Variants in ANK2 observed in about 807,000 individuals in gnomAD.
The protein encoded by ANK2 is ankyrin 2, also known as ankyrin-2.
A neutral mutation model predicts 360.5 loss-of-function variants in ANK2; 83 were observed. The observed-to-expected ratio is 0.23, with a 90% CI of 0.19 to 0.28. ANK2 has a LOEUF of 0.28. Among genes scored for constraint, ANK2 ranks in the 10% least tolerant of loss-of-function variants. The pLI, the probability that ANK2 is intolerant of heterozygous loss-of-function variation, is 1.00. For synonymous variants in ANK2, 1,740 were observed against 1,759.5 expected (o/e 0.99, Z 0.28); for missense variants, 4,201 against 4,795.7 (o/e 0.88, Z 3.66).
At chr4:113,105,856 A>G (rs1282566141) in intron 1 of ANK2, among the ~76,000 whole-genome samples, 2 of 152,228 alleles carry the variant, frequency 1.3e-5, no homozygotes, top group Admixed American at 6.5e-5. Flanking sequence ...GTGAGACTGC[A>G]TAAACAAACT....
At position 113,354,323 on chromosome 4, in the gene ANK2, C is replaced by A. The variant is rs1407457245; in HGVS notation, c.5705C>A (p.Pro1902Gln). 6.2e-7 allele frequency: 1 copy of A among 1,614,148 alleles called. No homozygotes were observed. Among genetic ancestry groups the A allele is most frequent in the South Asian group, 1.1e-5 (1 of 91,082 alleles). ...PVSSTKTERH[P>Q]PVSPSGKTDK... ...TCATCTACAAAAACAGAAAGACACC[C>A]ACCTGTTTCGCCTTCAGGCAAAACA... The change falls in exon 38 of 46, where the codon CCA becomes CAA. Residue 1902 changes from proline to glutamine, a missense_variant. Coordinates refer to ENST00000357077, the MANE Select transcript of ANK2 (RefSeq NM_001148.6).
chr4:112,817,637 ATATATATG>A (rs573313003), upstream of ANK2, among the ~76,000 whole-genome samples: 240 of 151,562 alleles, frequency 1.6e-3, no homozygotes, highest in Non-Finnish European at 2.5e-3. Flanking sequence ...ACTTAAACAT[ATATATATG>A]TATATATGTA....
intron 5 of ANK2, among the ~76,000 whole-genome samples, chr4:113,234,812 A>G (rs913228516): frequency 1.3e-5 from 2 of 152,362 alleles, no homozygotes; most frequent in Non-Finnish European, 1.5e-5. Flanking sequence ...TAAATTTCCC[A>G]TAATTATGGC....
At chr4:112,957,580 A>C (rs1323386945) in intron 2 of ANK2, among the ~76,000 whole-genome samples, 351 of 151,812 alleles carry the variant, frequency 2.3e-3, no homozygotes, top group Non-Finnish European at 4.2e-3. Flanking sequence ...CTCACTTCCC[A>C]GTAGGGGCGG....
intron 1 of ANK2, among the ~76,000 whole-genome samples, chr4:113,063,189 T>A (rs183691790): frequency 6.6e-6 from 1 of 152,100 alleles, no homozygotes; most frequent in African/African-American, 2.4e-5. Flanking sequence ...TGGGTGTTGC[T>A]AAATAATGGA....
the ANK2 span, among the ~76,000 whole-genome samples, chr4:112,727,992 A>C: frequency 6.6e-6 from 1 of 151,460 alleles, no homozygotes; most frequent in Non-Finnish European, 1.5e-5. Context: ...GAAAACAAAA[A>C]GAAAAAAAAT....
At chr4:113,211,568 G>T (rs187456358) in intron 4 of ANK2, among the ~76,000 whole-genome samples, 1 of 152,104 alleles carries the variant, frequency 6.6e-6, no homozygotes, top group African/African-American at 2.4e-5. Context: ...CAACTTTTCC[G>T]TAAACAAATG....
intron 1 of ANK2, among the ~76,000 whole-genome samples, chr4:112,831,077 C>A (rs1012953409): frequency 6.6e-6 from 1 of 152,216 alleles, no homozygotes; most frequent in African/African-American, 2.4e-5. Flanking sequence ...GCCCACCATG[C>A]CTGAGCCCCC....
At chr4:112,779,458 G>C in the ANK2 span, among the ~76,000 whole-genome samples, 1 of 152,134 alleles carries the variant, frequency 6.6e-6, no homozygotes, top group East Asian at 1.9e-4. Flanking sequence ...GACGGAGCTC[G>C]TGGTGAGCCA....
chr4:113,359,008 A>G lies in ANK2; in HGVS notation c.10390A>G (p.Lys3464Glu). The G allele has an allele frequency of 5.6e-6, 9 of 1,614,150 alleles. No individual in the cohort carries two copies. The highest frequency in any genetic ancestry group is 7.6e-6 in the Non-Finnish European group (9 of 1,179,992). Reference sequence around the variant, plus strand: ...GGGCACGAGCCCCACAAAAGAAAGTAAGGAGCATTTCTTTGACCTTTACAG... The same window carrying G: ...GGGCACGAGCCCCACAAAAGAAAGTGAGGAGCATTTCTTTGACCTTTACAG... ...RGGTSPTKES[K>E]EHFFDLYRNS... Residue 3464 changes from lysine (K) to glutamate (E), a missense_variant, in exon 38 of 46, where the codon AAG (lysine) becomes GAG (glutamate). This residue lies in a region of ANK2 where 2,642 missense variants were observed against 2,714.5 expected (regional missense o/e 0.97). Coordinates refer to ENST00000357077, the MANE Select transcript of ANK2 (RefSeq NM_001148.6).
chr4:112,842,471 G>A (rs2062324704), intron 1 of ANK2, among the ~76,000 whole-genome samples: 1 of 152,186 alleles, frequency 6.6e-6, no homozygotes, highest in Non-Finnish European at 1.5e-5. Context: ...CACGAGGGAC[G>A]GGTTTCATGG....
chr4:112,746,831 T>G, the ANK2 span, among the ~76,000 whole-genome samples: 1 of 152,214 alleles, frequency 6.6e-6, no homozygotes, highest in Non-Finnish European at 1.5e-5. Flanking sequence ...AAATTATTCC[T>G]TGACATATTC....
chr4:112,952,029 T>C (rs1029821418), intron 2 of ANK2, among the ~76,000 whole-genome samples: 1 of 152,212 alleles, frequency 6.6e-6, no homozygotes, highest in African/African-American at 2.4e-5. Context: ...GTACAAATTA[T>C]CTTCATTGAA....
intron 4 of ANK2, among the ~76,000 whole-genome samples, chr4:113,231,876 A>T (rs535141569): frequency 9.2e-5 from 14 of 152,322 alleles, no homozygotes; most frequent in Admixed American, 7.8e-4. Context: ...CTGGGATTAC[A>T]GGCATGAGCC....
At chr4:112,810,378 A>C in the ANK2 span, among the ~76,000 whole-genome samples, 1 of 151,808 alleles carries the variant, frequency 6.6e-6, no homozygotes, top group Non-Finnish European at 1.5e-5. Context: ...ATTCTCTGCT[A>C]TCTTCTGATA....
chr4:113,211,035 G>C (rs1179831473), intron 4 of ANK2, among the ~76,000 whole-genome samples: 1 of 152,188 alleles, frequency 6.6e-6, no homozygotes, highest in Non-Finnish European at 1.5e-5. Flanking sequence ...GTGGAAATAA[G>C]TATTGCTCAA....
chr4:112,897,672 A>G (rs2082139492), intron 1 of ANK2, among the ~76,000 whole-genome samples: 1 of 152,140 alleles, frequency 6.6e-6, no homozygotes. Context: ...TCAGCTCTCC[A>G]TGCTGTGCAT....
chr4:112,799,187 A>G, the ANK2 span, among the ~76,000 whole-genome samples: 1 of 152,200 alleles, frequency 6.6e-6, no homozygotes, highest in Admixed American at 6.5e-5. Context: ...CATTGTATGT[A>G]TGTACCATAT....
intron 23 of ANK2, among the ~76,000 whole-genome samples, chr4:113,307,409 C>G (rs1247205736): frequency 7.9e-6 from 1 of 126,368 alleles, no homozygotes; most frequent in Non-Finnish European, 1.6e-5. Flanking sequence ...GGAGCCATTC[C>G]ACCTTTTTTT....
Sources: allele counts gnomAD v4.1 joint callset (sites outside exome capture counted in the v4.1 genomes callset), GRCh38; gene constraint gnomAD v4.1.1; regional missense constraint gnomAD v4.1.1; transcripts MANE v1.5; gene names NCBI Gene and HGNC (gene_info 2026-07-23, HGNC 2026-07-21).